CHST11: variants seen among roughly 807,000 people sequenced by gnomAD.
The protein encoded by CHST11 is carbohydrate sulfotransferase 11.
In CHST11, 9 loss-of-function variants were observed where a neutral mutation model predicts 30.4. The observed-to-expected ratio is 0.30, with a 90% CI of 0.18 to 0.52. The LOEUF is 0.52. Ranked by LOEUF, CHST11 falls within the 20% of genes least tolerant of loss-of-function variation. CHST11 has a pLI of 0.97. For synonymous variants in CHST11, 152 were observed against 187.8 expected, an observed-to-expected ratio of 0.81 and a Z score of 1.56; for missense variants, 348 against 460.6, an observed-to-expected ratio of 0.76 and a Z score of 2.24.
chr12:104,514,576 C>A, intron 1 of CHST11: 1 of 418,350 alleles, frequency 2.4e-6, no homozygotes, highest in South Asian at 2.5e-5. Context: ...CACGGTTCTG[C>A]AGGCTGTACA....
chr12:104,494,892 T>A (rs1372650354), intron 1 of CHST11, among the ~76,000 whole-genome samples: 1 of 152,220 alleles, frequency 6.6e-6, no homozygotes. Flanking sequence ...AGTATATTCA[T>A]ACTGTTGTGC....
At chr12:104,510,814 T>TG (rs2037957864) in intron 1 of CHST11, among the ~76,000 whole-genome samples, 1 of 152,074 alleles carries the variant, frequency 6.6e-6, no homozygotes, top group African/African-American at 2.4e-5. Context: ...AGTTTCTTGT[T>TG]TTTTCTTTTT....
At position 104,667,642 on chromosome 12, in the gene CHST11, C is replaced by T. The variant is rs117717366; in HGVS notation, c.204+65651C>T. The stretch of plus-strand genomic sequence containing the variant: ...TCCGCATGCATCCAGACTCTGCTTT[C>T]TGCTCATTTCATGACCTTAGGGGAG... On this transcript the variant is annotated intron_variant, in intron 2 of 2. Transcript: ENST00000303694. Among the ~76,000 whole-genome samples, 391 of 152,292 alleles carry T rather than the reference C, an allele frequency of 2.6e-3. 3 individuals are homozygous for T. In the East Asian group the frequency reaches 0.028, roughly 11 times the overall value.
At chr12:104,750,963 C>G (rs1439896841) in intron 2 of CHST11, among the ~76,000 whole-genome samples, 4 of 152,170 alleles carry the variant, frequency 2.6e-5, no homozygotes, top group Non-Finnish European at 5.9e-5. Flanking sequence ...ACCCCTACCC[C>G]AGAGTCTTCC....
At chr12:104,550,780 A>T (rs2038396659) in intron 1 of CHST11, among the ~76,000 whole-genome samples, 1 of 152,222 alleles carries the variant, frequency 6.6e-6, no homozygotes, top group Non-Finnish European at 1.5e-5. Context: ...TTCTTATTCC[A>T]CTGGTGCTCA....
chr12:104,563,721 G>A (rs1316253623), intron 1 of CHST11, among the ~76,000 whole-genome samples: 1 of 151,918 alleles, frequency 6.6e-6, no homozygotes, highest in Non-Finnish European at 1.5e-5. Context: ...TGAGATGGTG[G>A]GGGTTGGTGT....
chr12:104,513,123 T>TGGTGGGGGGGGGGGGGGGGGG (rs1555229062), intron 1 of CHST11, among the ~76,000 whole-genome samples: 1 of 3,384 alleles, frequency 3.0e-4, no homozygotes, highest in Non-Finnish European at 7.0e-4. Context: ...ATGTCATGAC[T>TGGTGGGGGGGGGGGGGGGGGG]GGGGGGGGGG....
chr12:104,670,410 C>T (rs1018931554), intron 2 of CHST11, among the ~76,000 whole-genome samples: 2 of 152,096 alleles, frequency 1.3e-5, no homozygotes, highest in Non-Finnish European at 2.9e-5. Context: ...TTCCTCCACC[C>T]ACCCCCAACA....
chr12:104,723,374 G>T (rs1477357330), intron 2 of CHST11, among the ~76,000 whole-genome samples: 1 of 152,182 alleles, frequency 6.6e-6, no homozygotes. Flanking sequence ...GTGGGCGTCT[G>T]GGGGGCCGTG....
chr12:104,463,546 G>T (rs1418880559), intron 1 of CHST11, among the ~76,000 whole-genome samples: 2 of 152,168 alleles, frequency 1.3e-5, no homozygotes, highest in African/African-American at 2.4e-5. Flanking sequence ...CACTGGAGAT[G>T]TAACACATAC....
intron 2 of CHST11, among the ~76,000 whole-genome samples, chr12:104,624,601 C>T (rs1278432412): frequency 6.6e-6 from 1 of 152,184 alleles, no homozygotes; most frequent in Non-Finnish European, 1.5e-5. Flanking sequence ...ACATACCTTA[C>T]ACGACTACTG....
rs554349922 is a variant in CHST11 at position 104,620,127 on chromosome 12, TTGAGACA to T, written c.204+18139_204+18145del. On this transcript the variant is annotated intron_variant, in intron 2 of 2. Transcript: ENST00000303694. ...GAAATTAGCAGGCTTGAAGGCTGCC[TTGAGACA>T]TGTCCCCTAAAGGTATTTTGTCACC... Among the ~76,000 whole-genome samples the T allele has an allele frequency of 3.1e-3, 474 of 152,320 alleles. 2 individuals carry two copies. The highest frequency in any genetic ancestry group is 0.011 in the African/African-American group (437 of 41,564).
At chr12:104,483,352 C>T (rs1273705108) in intron 1 of CHST11, among the ~76,000 whole-genome samples, 1 of 152,142 alleles carries the variant, frequency 6.6e-6, no homozygotes, top group Non-Finnish European at 1.5e-5. Context: ...ATTACAGGTG[C>T]CAGCCACCAT....
chr12:104,663,379 G>A (rs977004633), intron 2 of CHST11, among the ~76,000 whole-genome samples: 45 of 152,090 alleles, frequency 3.0e-4, no homozygotes, highest in African/African-American at 1.1e-3. Flanking sequence ...AGTATAGAAA[G>A]TATAGAAAAT....
chr12:104,628,917 T>A (rs1437882359), intron 2 of CHST11, among the ~76,000 whole-genome samples: 2 of 152,256 alleles, frequency 1.3e-5, no homozygotes, highest in Non-Finnish European at 2.9e-5. Flanking sequence ...AGGTCCACGC[T>A]GGCTGCCTCT....
intron 2 of CHST11, among the ~76,000 whole-genome samples, chr12:104,646,724 C>T (rs2039436281): frequency 6.6e-6 from 1 of 152,186 alleles, no homozygotes; most frequent in African/African-American, 2.4e-5. Flanking sequence ...TTATTATTTC[C>T]TTTGCACCCC....
intron 2 of CHST11, among the ~76,000 whole-genome samples, chr12:104,686,724 C>A (rs559220769): frequency 6.6e-6 from 1 of 152,032 alleles, no homozygotes; most frequent in Non-Finnish European, 1.5e-5. Flanking sequence ...CTCAGCTCAC[C>A]GTAACCTCCG....
intron 2 of CHST11, among the ~76,000 whole-genome samples, chr12:104,710,551 C>T (rs1262469764): frequency 6.6e-6 from 1 of 152,158 alleles, no homozygotes; most frequent in East Asian, 1.9e-4. Context: ...TGACCCCTCC[C>T]TGGAGCAAGG....
chr12:104,536,119 T>G (rs2084210613), intron 1 of CHST11, among the ~76,000 whole-genome samples: 1 of 152,200 alleles, frequency 6.6e-6, no homozygotes, highest in African/African-American at 2.4e-5. Flanking sequence ...AGGACAAGTC[T>G]TCTTGCCTGG....
Sources: allele counts gnomAD v4.1 joint callset (sites outside exome capture counted in the v4.1 genomes callset), GRCh38; gene constraint gnomAD v4.1.1; transcripts MANE v1.5; gene names NCBI Gene and HGNC (gene_info 2026-07-23, HGNC 2026-07-21).